The following ATP8A2 variants were observed in gnomAD, a reference collection of about 807,000 sequenced individuals.
ATP8A2 encodes the protein phospholipid-transporting ATPase IB.
ATP8A2 carries 100 observed loss-of-function variants against 165.6 expected under a neutral mutation model. That is an observed-to-expected ratio of 0.60 (90% CI 0.51 to 0.71). ATP8A2 has a LOEUF of 0.71. Ranked by LOEUF, ATP8A2 falls within the 30% of genes least tolerant of loss-of-function variation. The pLI is 0.00. For synonymous variants in ATP8A2, 543 were observed against 548.8 expected (o/e 0.99, Z 0.15); for missense variants, 1,227 against 1,479.5 (o/e 0.83, Z 2.80).
At chr13:25,879,569 A>G (rs1952917354) in intron 33 of ATP8A2, among the ~76,000 whole-genome samples, 1 of 152,204 alleles carries the variant, frequency 6.6e-6, no homozygotes, top group Non-Finnish European at 1.5e-5. Flanking sequence ...CCACCACTGG[A>G]TGTGCACCTC....
intron 33 of ATP8A2, among the ~76,000 whole-genome samples, chr13:25,960,708 C>G (rs1276918153): frequency 6.6e-6 from 1 of 151,940 alleles, no homozygotes; most frequent in Non-Finnish European, 1.5e-5. Context: ...AGAGTAAACT[C>G]CTCCCTCCCT....
intron 25 of ATP8A2, among the ~76,000 whole-genome samples, chr13:25,751,879 A>G (rs2138199149): frequency 6.6e-6 from 1 of 151,400 alleles, no homozygotes; most frequent in South Asian, 2.1e-4. Context: ...TTTCTCCTGA[A>G]GTTTTATCAC....
intron 7 of ATP8A2, 94 bp from the exon 8 acceptor site, chr13:25,540,225 T>C (rs1034093324): frequency 1.1e-6 from 1 of 906,888 alleles, no homozygotes; most frequent in South Asian, 1.4e-5. Context: ...GAAGGGCCAA[T>C]CAGCAGACAC....
intron 27 of ATP8A2, among the ~76,000 whole-genome samples, chr13:25,791,953 C>T (rs1344994793): frequency 6.6e-6 from 1 of 152,092 alleles, no homozygotes; most frequent in Admixed American, 6.5e-5. Flanking sequence ...GCTAACCTAG[C>T]CACCTTCTAT....
At chr13:25,870,396 G>C (rs2138803997) in intron 33 of ATP8A2, among the ~76,000 whole-genome samples, 1 of 152,258 alleles carries the variant, frequency 6.6e-6, no homozygotes. Flanking sequence ...ACACAGGCCT[G>C]GGGGTGGAGC....
At chr13:25,684,176 C>T (rs150020163) in intron 24 of ATP8A2, among the ~76,000 whole-genome samples, 77 of 152,284 alleles carry the variant, frequency 5.1e-4, no homozygotes, top group African/African-American at 1.8e-3. Context: ...TTATTGACTG[C>T]GCTTAGCAGA....
chr13:26,021,050 C>G lies in ATP8A2; in HGVS notation c.*1065C>G, dbSNP rs1301099785. 1 of 152,252 alleles carries G rather than the reference C, an allele frequency of 6.6e-6. No homozygotes were observed. Among genetic ancestry groups the G allele is most frequent in the African/African-American group, 2.4e-5 (1 of 41,444 alleles). 9.4% of individuals were successfully genotyped at this position (152,252 alleles called of 1,614,324 possible). A position where few individuals can be genotyped will look rare whatever the true frequency, so the allele number is the denominator to read the frequency against. On this transcript the variant is annotated 3_prime_UTR_variant, in exon 37 of 37. Transcript: ENST00000381655. Reference sequence around the variant, plus strand: ...TTTCAGAGCACATTTTGGACTTTCACTGTTGGGAAATGAATGAATTTATAA... The same window carrying G: ...TTTCAGAGCACATTTTGGACTTTCAGTGTTGGGAAATGAATGAATTTATAA...
intron 24 of ATP8A2, among the ~76,000 whole-genome samples, chr13:25,658,700 A>G (rs1323801843): frequency 6.6e-6 from 1 of 152,208 alleles, no homozygotes; most frequent in Non-Finnish European, 1.5e-5. Flanking sequence ...AGATAAAATT[A>G]TCAAGAGATT....
chr13:25,455,459 G>T (rs896463783), intron 1 of ATP8A2, among the ~76,000 whole-genome samples: 3 of 152,132 alleles, frequency 2.0e-5, no homozygotes, highest in African/African-American at 4.8e-5. Flanking sequence ...TATTACTTAG[G>T]CCTATAATAC....
intron 24 of ATP8A2, among the ~76,000 whole-genome samples, chr13:25,633,541 G>A (rs992999350): frequency 2.3e-4 from 35 of 152,258 alleles, no homozygotes; most frequent in South Asian, 1.0e-3. Flanking sequence ...TTCTTATTAT[G>A]TCCTTTCAAT....
rs186349579 is a variant in ATP8A2, at chr13:25,892,223, C to T, written c.3183+29815C>T. 5.4e-3 allele frequency among the ~76,000 whole-genome samples: 816 copies of T among 151,976 alleles called. 14 individuals carry two copies. The highest frequency in any genetic ancestry group is 0.019 in the African/African-American group (796 of 41,434). ...TGATCTCCTGACCTCATGATCCACC[C>T]GCCTCAGCCTCCAAAGTGCTGGGAT... On this transcript the variant is annotated intron_variant, in intron 33 of 36. Transcript: ENST00000381655.
rs1952306016 is a variant in ATP8A2, at chr13:25,860,275, A to G, written c.3018+19A>G. On this transcript the variant is annotated intron_variant, in intron 31 of 36. Coordinates refer to ENST00000381655, the MANE Select transcript of ATP8A2 (RefSeq NM_016529.6). ...TTACACAGTAAGTTTATCTCTGTTT[A>G]TTAAGCCATTCTTAAACAGCTTATG... 1.9e-6 allele frequency: 3 copies of G among 1,572,976 alleles called. 1 individual carries two copies. The South Asian group carries it at 3.4e-5, about 18-fold the overall frequency.
At chr13:25,845,252 C>G (rs1951830021) in intron 30 of ATP8A2, among the ~76,000 whole-genome samples, 1 of 152,164 alleles carries the variant, frequency 6.6e-6, no homozygotes, top group Non-Finnish European at 1.5e-5. Context: ...CTGGTGTCAG[C>G]CCACACCCGG....
At chr13:25,980,305 C>A (rs1256718866) in intron 35 of ATP8A2, among the ~76,000 whole-genome samples, 1 of 152,134 alleles carries the variant, frequency 6.6e-6, no homozygotes, top group Non-Finnish European at 1.5e-5. Context: ...GCTTCTGAGG[C>A]CTTCTCAGTC....
chr13:25,792,041 T>C (rs185765322), intron 27 of ATP8A2, among the ~76,000 whole-genome samples: 44 of 152,306 alleles, frequency 2.9e-4, no homozygotes, highest in African/African-American at 1.0e-3. Context: ...TAAAAACTTT[T>C]TAGAGCAGTG....
chr13:25,813,547 T>C (rs1027657724), intron 27 of ATP8A2, among the ~76,000 whole-genome samples: 2 of 152,078 alleles, frequency 1.3e-5, no homozygotes, highest in Non-Finnish European at 2.9e-5. Flanking sequence ...CGGTATATGA[T>C]AGGATATGAT....
intron 25 of ATP8A2, among the ~76,000 whole-genome samples, chr13:25,766,024 G>A (rs1003489076): frequency 1.3e-5 from 2 of 152,142 alleles, no homozygotes; most frequent in Non-Finnish European, 1.5e-5. Context: ...GGTGACATAC[G>A]GACTTAAGGA....
Position 25,764,257 on chromosome 13 carries a change from A to C in ATP8A2, c.2385-4789A>C, listed in dbSNP as rs187746993. ...TAGTTTTTGCCCCTACCACCTTCTT[A>C]TTTGAGACACTCAGATTAAAAGAAT... On this transcript the variant is annotated intron_variant, in intron 25 of 36. Transcript: ENST00000381655. Among the ~76,000 whole-genome samples, 559 of 152,220 alleles carry C rather than the reference A, an allele frequency of 3.7e-3. 4 individuals are homozygous for C. The highest frequency in any genetic ancestry group is 0.013 in the African/African-American group (546 of 41,514).
intron 27 of ATP8A2, among the ~76,000 whole-genome samples, chr13:25,825,180 A>G: frequency 1.1e-5 from 1 of 89,714 alleles, no homozygotes; most frequent in Non-Finnish European, 2.0e-5. Flanking sequence ...TTTTTGAGAC[A>G]GGGTCTCACT....
Sources: gnomAD v4.1 joint callset for allele counts (sites outside exome capture counted in the v4.1 genomes callset) on GRCh38, gnomAD v4.1.1 for gene constraint, MANE v1.5 for transcripts, NCBI Gene and HGNC (gene_info 2026-07-23, HGNC 2026-07-21) for gene names.